The following DOCK1 variants were observed in gnomAD, a reference collection of about 807,000 sequenced individuals.
The protein encoded by DOCK1 is dedicator of cytokinesis protein 1.
DOCK1 carries 138 observed loss-of-function variants against 262.7 expected under a neutral mutation model. The ratio of observed to expected loss-of-function variants is 0.53; its 90% confidence interval spans 0.46 to 0.61. DOCK1 has a LOEUF of 0.61. Ranked by LOEUF, DOCK1 falls within the 20% of genes least tolerant of loss-of-function variation. The pLI, the probability that DOCK1 is intolerant of heterozygous loss-of-function variation, is 0.00. For synonymous variants in DOCK1, 866 were observed against 867.4 expected (o/e 1.00, Z 0.03); for missense variants, 1,908 against 2,370.7 (o/e 0.80, Z 4.05).
chr10:127,342,668 A>G (rs1247558362), intron 30 of DOCK1, among the ~76,000 whole-genome samples: 1 of 152,236 alleles, frequency 6.6e-6, no homozygotes, highest in Non-Finnish European at 1.5e-5. Flanking sequence ...TTATTTTTAT[A>G]GAACTCTTTG....
intron 1 of DOCK1, among the ~76,000 whole-genome samples, chr10:126,920,839 G>A (rs2033113094): frequency 6.6e-6 from 1 of 152,186 alleles, no homozygotes. Context: ...TTTACAACTA[G>A]CTGATCACAA....
intron 38 of DOCK1, among the ~76,000 whole-genome samples, chr10:127,391,360 GGA>G (rs1346024740): frequency 6.6e-6 from 1 of 152,102 alleles, no homozygotes; most frequent in Non-Finnish European, 1.5e-5. Context: ...GAGGCAAATA[GGA>G]GAGAGGTAGA....
At position 127,451,824 on chromosome 10, in the gene DOCK1, G is replaced by A. The variant is rs1042272915; in HGVS notation, c.*397G>A. 2 of 240,012 alleles carry A rather than the reference G, an allele frequency of 8.3e-6. No homozygotes were observed. The highest frequency in any genetic ancestry group is 2.3e-5 in the African/African-American group (1 of 43,948). 14.9% of individuals were successfully genotyped at this position (240,012 alleles called of 1,614,324 possible). A position where few individuals can be genotyped will look rare whatever the true frequency, so the allele number is the denominator to read the frequency against. ...GCCATCACTCTTAGGAAGCTGTGTA[G>A]TGATGATGTATAAGAATCCTCCTCA... On this transcript the variant is annotated 3_prime_UTR_variant, in exon 52 of 52. Coordinates refer to ENST00000623213, the MANE Select transcript of DOCK1 (RefSeq NM_001290223.2).
chr10:127,381,410 A>G (rs1400231050), intron 37 of DOCK1, 42 bp downstream of exon 37: 1 of 1,547,566 alleles, frequency 6.5e-7, no homozygotes, highest in Non-Finnish European at 8.8e-7. Context: ...CTATTGTTAT[A>G]AATTCTAACA....
chr10:127,268,227 T>C (rs185079466), intron 29 of DOCK1, among the ~76,000 whole-genome samples: 55 of 152,146 alleles, frequency 3.6e-4, no homozygotes, highest in African/African-American at 1.3e-3. Context: ...CTGTTAGAAA[T>C]ACATAGAAAT....
intron 11 of DOCK1, among the ~76,000 whole-genome samples, chr10:127,009,361 A>G (rs1246370742): frequency 6.6e-6 from 1 of 152,134 alleles, no homozygotes; most frequent in Non-Finnish European, 1.5e-5. Context: ...AGCTGAGAAA[A>G]AGCTCTTGGA....
chr10:126,920,918 C>T (rs116668024), intron 1 of DOCK1, among the ~76,000 whole-genome samples: 3,753 of 152,210 alleles, frequency 0.025, 154 homozygotes, highest in African/African-American at 0.084. Flanking sequence ...AAGTTCAGGC[C>T]GGGCACGGTG....
intron 1 of DOCK1, among the ~76,000 whole-genome samples, chr10:126,963,773 A>C (rs1309149569): frequency 8.6e-5 from 13 of 151,564 alleles, no homozygotes; most frequent in Admixed American, 4.6e-4. Context: ...TGAGAGGCTC[A>C]CAGTCAAGTG....
intron 11 of DOCK1, among the ~76,000 whole-genome samples, 151 bp downstream of exon 11, chr10:127,008,955 T>C (rs1591629687): frequency 6.6e-6 from 1 of 152,366 alleles, no homozygotes; most frequent in East Asian, 1.9e-4. Context: ...CTGTAGTACA[T>C]GGAATTTTTT....
At chr10:127,338,428 A>G (rs923351554) in intron 29 of DOCK1, among the ~76,000 whole-genome samples, 2 of 152,258 alleles carry the variant, frequency 1.3e-5, no homozygotes, top group African/African-American at 4.8e-5. Context: ...AATTTCTGAG[A>G]AAATTCTTGT....
intron 21 of DOCK1, 141 bp from the exon 22 acceptor site, chr10:127,052,540 A>T: frequency 7.4e-6 from 8 of 1,087,626 alleles, no homozygotes; most frequent in Non-Finnish European, 1.0e-5. Context: ...AAAAAAAAAA[A>T]GAGAAAACGT....
At chr10:127,308,053 C>A (rs147123758) in intron 29 of DOCK1, among the ~76,000 whole-genome samples, 54 of 152,348 alleles carry the variant, frequency 3.5e-4, no homozygotes, top group African/African-American at 1.2e-3. Flanking sequence ...TGCTGGATGA[C>A]GTTGCTGTTT....
At chr10:127,061,425 A>G (rs2045522185) in intron 22 of DOCK1, among the ~76,000 whole-genome samples, 1 of 152,182 alleles carries the variant, frequency 6.6e-6, no homozygotes, top group Non-Finnish European at 1.5e-5. Flanking sequence ...GTATGTTACA[A>G]TGAAAAATGC....
intron 27 of DOCK1, 54 bp from the exon 28 acceptor site, chr10:127,247,954 T>C: frequency 6.4e-7 from 1 of 1,567,980 alleles, no homozygotes; most frequent in East Asian, 2.3e-5. Flanking sequence ...ATTTCGGCTT[T>C]TCCCATGAGT....
intron 29 of DOCK1, among the ~76,000 whole-genome samples, chr10:127,316,211 A>G (rs1590407055): frequency 6.6e-6 from 1 of 152,234 alleles, no homozygotes; most frequent in East Asian, 1.9e-4. Flanking sequence ...CCAGCATATG[A>G]TACAATATTA....
chr10:127,335,640 C>T (rs567270144), intron 29 of DOCK1, among the ~76,000 whole-genome samples: 4 of 151,950 alleles, frequency 2.6e-5, no homozygotes, highest in Non-Finnish European at 4.4e-5. Flanking sequence ...CTCTGCCTCC[C>T]GGGTTCCAGT....
At chr10:127,174,355 C>CCAGAGTA (rs1297786018) in intron 27 of DOCK1, among the ~76,000 whole-genome samples, 3 of 152,124 alleles carry the variant, frequency 2.0e-5, no homozygotes, top group Non-Finnish European at 4.4e-5. Flanking sequence ...ACCCCCAGAC[C>CCAGAGTA]CAGAGTAGAA....
chr10:127,433,152 T>C (rs2134649015), intron 47 of DOCK1, 131 bp from the exon 48 acceptor site: 3 of 1,274,096 alleles, frequency 2.4e-6, no homozygotes, highest in Non-Finnish European at 3.3e-6. Context: ...AACAAGAACA[T>C]GTACTGTTTA....
chr10:127,101,156 G>C (rs1376590039), intron 23 of DOCK1, among the ~76,000 whole-genome samples: 1 of 152,086 alleles, frequency 6.6e-6, no homozygotes, highest in Non-Finnish European at 1.5e-5. Flanking sequence ...TTTGGTTTGG[G>C]TGGTTGGAAG....
Sources: gnomAD v4.1 joint callset for allele counts (sites outside exome capture counted in the v4.1 genomes callset) on GRCh38, gnomAD v4.1.1 for gene constraint, MANE v1.5 for transcripts, NCBI Gene and HGNC (gene_info 2026-07-23, HGNC 2026-07-21) for gene names.